ADORA2B: variants seen among roughly 807,000 people sequenced by gnomAD.
ADORA2B encodes the protein adenosine A2b receptor.
In ADORA2B, 18 loss-of-function variants were observed where a neutral mutation model predicts 20.8. The ratio of observed to expected loss-of-function variants is 0.87; its 90% CI spans 0.60 to 1.29. The LOEUF is 1.29. ADORA2B is among the 50% of genes most tolerant of loss of function. The probability of loss-of-function intolerance (pLI) is 0.00; values close to 1 mark genes in which losing one functional copy is unlikely to be tolerated. For synonymous variants in ADORA2B, 179 were observed against 178.3 expected (o/e 1.00, Z -0.03); for missense variants, 441 against 422.7 (o/e 1.04, Z -0.38).
At chr17:15,871,967 A>G in the ADORA2B span, among the ~76,000 whole-genome samples, 1 of 152,218 alleles carries the variant, frequency 6.6e-6, no homozygotes, top group Non-Finnish European at 1.5e-5. Flanking sequence ...GCACTGACAC[A>G]GGCTGCAGTA....
chr17:15,945,123 G>A (rs1969781671), upstream of ADORA2B: 1 of 847,390 alleles, frequency 1.2e-6, no homozygotes, highest in Non-Finnish European at 1.6e-6. Context: ...CCCCAGCCCC[G>A]AGGCTCAGAA....
the ADORA2B span, among the ~76,000 whole-genome samples, chr17:15,922,177 T>G: frequency 6.6e-6 from 1 of 152,238 alleles, no homozygotes; most frequent in Non-Finnish European, 1.5e-5. Flanking sequence ...CCTTCCCAGA[T>G]GCGTACACAC....
At chr17:15,887,544 G>A in the ADORA2B span, among the ~76,000 whole-genome samples, 4 of 130,424 alleles carry the variant, frequency 3.1e-5, 1 homozygote, top group Non-Finnish European at 4.9e-5. Flanking sequence ...CTAGCATTGC[G>A]GAAGGGAAGA....
the ADORA2B span, among the ~76,000 whole-genome samples, chr17:15,878,576 C>G: frequency 2.0e-5 from 3 of 152,194 alleles, no homozygotes; most frequent in Non-Finnish European, 4.4e-5. Context: ...AATTTTATTT[C>G]TTCTTTCCAA....
At chr17:15,868,575 A>G in the ADORA2B span, among the ~76,000 whole-genome samples, 1 of 134,174 alleles carries the variant, frequency 7.5e-6, no homozygotes, top group African/African-American at 2.6e-5. Flanking sequence ...GATCGAGACC[A>G]TCCTGGCTAA....
chr17:15,886,135 C>T, the ADORA2B span, among the ~76,000 whole-genome samples: 1 of 152,222 alleles, frequency 6.6e-6, no homozygotes, highest in African/African-American at 2.4e-5. Context: ...TTTCACTTAA[C>T]ATCACAGTGT....
At chr17:15,892,468 C>T in the ADORA2B span, among the ~76,000 whole-genome samples, 18,810 of 150,658 alleles carry the variant, frequency 0.12, 1,536 homozygotes, top group South Asian at 0.24. Context: ...CGTGCTCGGC[C>T]GAATTTTTTC....
intron 1 of ADORA2B, among the ~76,000 whole-genome samples, chr17:15,972,552 C>A (rs2151611172): frequency 6.6e-6 from 1 of 152,178 alleles, no homozygotes; most frequent in South Asian, 2.1e-4. Context: ...GCATCTGTTG[C>A]TCTTATAAGG....
the ADORA2B span, among the ~76,000 whole-genome samples, chr17:15,879,671 G>A: frequency 2.7e-5 from 4 of 148,900 alleles, no homozygotes; most frequent in African/African-American, 7.7e-5. Context: ...CCGAGTAGCA[G>A]GGACTACAGG....
At chr17:15,917,692 G>C in the ADORA2B span, among the ~76,000 whole-genome samples, 1 of 152,248 alleles carries the variant, frequency 6.6e-6, no homozygotes, top group Non-Finnish European at 1.5e-5. Flanking sequence ...GCCGGTGACG[G>C]GGGCTCTGCC....
chr17:15,895,707 C>T, the ADORA2B span, among the ~76,000 whole-genome samples: 1 of 152,240 alleles, frequency 6.6e-6, no homozygotes. Flanking sequence ...ATAGCCACAT[C>T]GTGTGGCTGC....
At chr17:15,964,016 G>A (rs940298389) in intron 1 of ADORA2B, among the ~76,000 whole-genome samples, 3 of 152,134 alleles carry the variant, frequency 2.0e-5, no homozygotes, top group African/African-American at 4.8e-5. Context: ...GGGAAGACTC[G>A]GCCTGAAAGT....
the ADORA2B span, among the ~76,000 whole-genome samples, chr17:15,867,039 G>T: frequency 6.6e-6 from 1 of 152,218 alleles, no homozygotes; most frequent in Non-Finnish European, 1.5e-5. Flanking sequence ...CGCCAGCCTC[G>T]GCCTCCCGAG....
At chr17:15,937,791 T>C in the ADORA2B span, among the ~76,000 whole-genome samples, 1 of 152,166 alleles carries the variant, frequency 6.6e-6, no homozygotes, top group Non-Finnish European at 1.5e-5. Context: ...CAGGCTGGTC[T>C]CGAACTCCTG....
the ADORA2B span, among the ~76,000 whole-genome samples, chr17:15,910,237 C>T: frequency 6.6e-6 from 1 of 152,216 alleles, no homozygotes; most frequent in Non-Finnish European, 1.5e-5. Context: ...CTTGTCCAAC[C>T]CATGACTTGC....
chr17:15,944,554 C>T (rs1262033443), upstream of ADORA2B, among the ~76,000 whole-genome samples: 1 of 152,034 alleles, frequency 6.6e-6, no homozygotes, highest in Non-Finnish European at 1.5e-5. This position sits in a 1 kb window ranked among gnomAD's most constrained non-coding sequence, Gnocchi z 4.8. Context: ...CTGAGCCTCG[C>T]TGGGAGGCGG....
the ADORA2B span, among the ~76,000 whole-genome samples, chr17:15,867,363 T>C: frequency 4.0e-5 from 6 of 150,310 alleles, no homozygotes; most frequent in African/African-American, 7.4e-5. Context: ...AGGCCGCCCA[T>C]CGTCTGAGAT....
the ADORA2B span, among the ~76,000 whole-genome samples, chr17:15,872,093 CA>C: frequency 1.3e-5 from 2 of 152,096 alleles, no homozygotes; most frequent in Non-Finnish European, 2.9e-5. Flanking sequence ...AAACAGAAAG[CA>C]GATGAGTGTT....
chr17:15,929,537 A>G, the ADORA2B span, among the ~76,000 whole-genome samples: 2 of 152,232 alleles, frequency 1.3e-5, no homozygotes, highest in Non-Finnish European at 2.9e-5. Flanking sequence ...TCCCTCCACC[A>G]GGTATCAAAA....
Sources: allele counts gnomAD v4.1 joint callset (sites outside exome capture counted in the v4.1 genomes callset), GRCh38; gene constraint gnomAD v4.1.1; non-coding constraint Gnocchi (gnomAD v3.1); transcripts MANE v1.5; gene names NCBI Gene and HGNC (gene_info 2026-07-23, HGNC 2026-07-21).